TPST1: variants seen among roughly 807,000 people sequenced by gnomAD.
TPST1 encodes the protein tyrosylprotein sulfotransferase 1, also known as protein-tyrosine sulfotransferase 1.
Under a neutral mutation model 34.8 loss-of-function variants are expected in TPST1, and 20 were observed. The observed-to-expected ratio is 0.57, with a 90% CI of 0.40 to 0.84. The LOEUF is 0.84. TPST1 is among the 40% of genes least tolerant of loss of function. The probability of loss-of-function intolerance (pLI) is 0.00; values close to 1 mark genes in which losing one functional copy is unlikely to be tolerated. For synonymous variants in TPST1, 152 were observed against 159.4 expected (o/e 0.95, Z 0.35); for missense variants, 353 against 455.5 (o/e 0.78, Z 2.05).
chr7:66,359,591 T>C lies in TPST1; in HGVS notation c.*30-304T>C, dbSNP rs540110613. ...GACAGTGCCCCCACAGTAGCAACAA[T>C]AGCAGATGACAGTCAGTTATTTAGA... On this transcript the variant is annotated intron_variant, in intron 5 of 5. Coordinates refer to ENST00000304842, the MANE Select transcript of TPST1 (RefSeq NM_003596.4). 3.5e-5 allele frequency: 10 copies of C among 288,036 alleles called. No individual in the cohort carries two copies. In the Admixed American group the frequency reaches 3.9e-4, roughly 11 times the overall value. The allele number at this position is 288,036 out of a possible 1,614,324, so 17.8% of individuals were successfully genotyped here.
Position 66,240,435 on chromosome 7 carries a change from A to G in TPST1, c.10A>G (p.Lys4Glu). The change falls in exon 2 of 6, where the codon AAG (lysine) becomes GAG (glutamate). Residue 4 changes from lysine to glutamate, a missense_variant. By Grantham distance (56) the Lys-to-Glu change is moderately conservative. Transcript: ENST00000304842. ...AGATAACCACATCAAGATGGTTGGA[A>G]AGCTGAAGCAGAACTTACTATTGGC... Reference protein sequence around the residue: MVGKLKQNLLLACL... With the variant: MVGELKQNLLLACL... 6.2e-7 allele frequency: 1 copy of G among 1,613,228 alleles called. No homozygotes were observed. Among genetic ancestry groups the G allele is most frequent in the Non-Finnish European group, 8.5e-7 (1 of 1,179,440 alleles).
At chr7:66,294,222 A>G (rs1308711344) in intron 3 of TPST1, among the ~76,000 whole-genome samples, 2 of 152,180 alleles carry the variant, frequency 1.3e-5, no homozygotes, top group Non-Finnish European at 2.9e-5. Flanking sequence ...TCACTTGTAT[A>G]TATTCTTTTT....
chr7:66,234,161 T>A (rs1329241391), intron 1 of TPST1, among the ~76,000 whole-genome samples: 1 of 152,206 alleles, frequency 6.6e-6, no homozygotes, highest in Non-Finnish European at 1.5e-5. Context: ...CCTGGCCTAC[T>A]TCCTGCTTCT....
In TPST1 at chr7:66,354,855, G is replaced by C. The variant is rs1290497275; in HGVS notation, c.1096-1970G>C. ...ACTAAAAATACAAAAAATTAGCTGG[G>C]TGTGGTGCATGCCTGTAGTCCCAGC... On this transcript the variant is annotated intron_variant, in intron 4 of 5. Coordinates refer to ENST00000304842, the MANE Select transcript of TPST1 (RefSeq NM_003596.4). Among the ~76,000 whole-genome samples, 3 of 152,110 alleles carry C rather than the reference G, an allele frequency of 2.0e-5. No homozygotes were observed. The East Asian group carries it at 5.8e-4, about 30-fold the overall frequency.
chr7:66,238,738 C>T (rs1183677357), intron 1 of TPST1, among the ~76,000 whole-genome samples: 1 of 152,176 alleles, frequency 6.6e-6, no homozygotes, highest in Non-Finnish European at 1.5e-5. Context: ...GGTGTTTGAT[C>T]AAACAACTGG....
intron 1 of TPST1, among the ~76,000 whole-genome samples, chr7:66,222,200 G>T (rs193273762): frequency 3.9e-5 from 6 of 152,016 alleles, no homozygotes; most frequent in Admixed American, 1.3e-4. Context: ...TGGCTAACAC[G>T]GTGAAACCCT....
intron 3 of TPST1, among the ~76,000 whole-genome samples, chr7:66,294,907 A>G (rs1420881552): frequency 3.9e-5 from 6 of 152,182 alleles, no homozygotes; most frequent in Non-Finnish European, 8.8e-5. Flanking sequence ...CTTTTTAAAC[A>G]TAATTTTTAT....
intron 2 of TPST1, among the ~76,000 whole-genome samples, chr7:66,262,559 A>C (rs1260269810): frequency 6.6e-6 from 1 of 152,062 alleles, no homozygotes; most frequent in African/African-American, 2.4e-5. Context: ...TTTTTCTTCC[A>C]TCTGCCTAGC....
intron 3 of TPST1, 91 bp from the exon 4 acceptor site, chr7:66,352,414 T>C: frequency 6.5e-7 from 1 of 1,548,040 alleles, no homozygotes; most frequent in Non-Finnish European, 8.7e-7. Context: ...AGTGGAGCAG[T>C]AAACCCGGCC....
chr7:66,286,677 C>G lies in TPST1; in HGVS notation c.1012C>G (p.Pro338Ala), dbSNP rs368872291. ...PYANPPNYGK[P>A]DPKIIENTRR... ...TGCCAACCCACCTAACTACGGAAAA[C>G]CTGATCCCAAAATTATTGAAAACAC... is the stretch of plus-strand genomic sequence containing the variant. The change falls in exon 3 of 6, where the codon CCT (proline) becomes GCT (alanine). Residue 338 changes from proline to alanine, a missense_variant. Coordinates refer to ENST00000304842, the MANE Select transcript of TPST1 (RefSeq NM_003596.4). 187 of 1,583,214 alleles carry G rather than the reference C, an allele frequency of 1.2e-4. No homozygotes were observed. Among genetic ancestry groups the G allele is most frequent in the Non-Finnish European group, 1.6e-4 (182 of 1,163,252 alleles).
intron 3 of TPST1, among the ~76,000 whole-genome samples, chr7:66,295,511 A>G (rs1791174952): frequency 2.0e-5 from 3 of 152,202 alleles, no homozygotes; most frequent in Admixed American, 6.5e-5. Flanking sequence ...ACAAAAACAA[A>G]AAACAAACAA....
intron 3 of TPST1, among the ~76,000 whole-genome samples, chr7:66,322,602 CTG>C (rs773216635): frequency 6.6e-6 from 1 of 152,156 alleles, no homozygotes; most frequent in Non-Finnish European, 1.5e-5. Flanking sequence ...CATTGTATGT[CTG>C]TACCACATTT....
chr7:66,280,974 T>TA lies in TPST1; in HGVS notation c.846-5536dup, dbSNP rs1206377300. 1.4e-4 allele frequency among the ~76,000 whole-genome samples: 21 copies of TA among 152,322 alleles called. No individual in the cohort carries two copies. In the South Asian group the frequency reaches 4.4e-3, roughly 32 times the overall value. ...ATGTTGGCTGTGGGTTTGTCATAGA[T>TA]ATCACTTATTGTTTTGAGGTATGTT... On this transcript the variant is annotated intron_variant, in intron 2 of 5. Coordinates refer to ENST00000304842, the MANE Select transcript of TPST1 (RefSeq NM_003596.4).
At chr7:66,257,317 A>G (rs1157689762) in intron 2 of TPST1, among the ~76,000 whole-genome samples, 1 of 152,136 alleles carries the variant, frequency 6.6e-6, no homozygotes, top group Admixed American at 6.5e-5. Context: ...TCCCTTCCCT[A>G]TATCCAGTAT....
At chr7:66,321,830 A>G (rs1293847840) in intron 3 of TPST1, among the ~76,000 whole-genome samples, 1 of 152,202 alleles carries the variant, frequency 6.6e-6, no homozygotes, top group African/African-American at 2.4e-5. Context: ...TTTCCTTAGT[A>G]ACTGAGACTG....
At chr7:66,270,382 G>T (rs572282566) in intron 2 of TPST1, among the ~76,000 whole-genome samples, 7 of 152,186 alleles carry the variant, frequency 4.6e-5, no homozygotes, top group Admixed American at 2.0e-4. Flanking sequence ...AACCATATCA[G>T]TCAGTCCAGA....
intron 1 of TPST1, among the ~76,000 whole-genome samples, chr7:66,233,816 A>C (rs781761714): frequency 1.3e-5 from 2 of 152,008 alleles, no homozygotes; most frequent in Non-Finnish European, 2.9e-5. Flanking sequence ...CCTTTCACCC[A>C]CTTTCCCTCT....
chr7:66,322,693 A>C (rs1791781612), intron 3 of TPST1, among the ~76,000 whole-genome samples: 1 of 152,178 alleles, frequency 6.6e-6, no homozygotes, highest in Admixed American at 6.5e-5. Flanking sequence ...AGTGAACATG[A>C]TGTGCAGATA....
At chr7:66,202,636 T>A (rs1021402165), upstream of TPST1, among the ~76,000 whole-genome samples, 2 of 152,158 alleles carry the variant, frequency 1.3e-5, no homozygotes, top group African/African-American at 4.8e-5. Context: ...GAGGCCATGG[T>A]GAGTCCTTTT....
Sources: allele counts gnomAD v4.1 joint callset (sites outside exome capture counted in the v4.1 genomes callset), GRCh38; gene constraint gnomAD v4.1.1; transcripts MANE v1.5; gene names NCBI Gene and HGNC (gene_info 2026-07-23, HGNC 2026-07-21).